BCAT1: variants seen among roughly 807,000 people sequenced by gnomAD.
The protein encoded by BCAT1 is branched chain amino acid transaminase 1, also known as branched-chain-amino-acid aminotransferase, cytosolic.
Under a neutral mutation model 52.4 loss-of-function variants are expected in BCAT1, and 48 were observed. The observed-to-expected ratio is 0.92, with a 90% CI of 0.73 to 1.16. The LOEUF is 1.16. BCAT1 is among the 50% of genes most tolerant of loss of function. The pLI, the probability that BCAT1 is intolerant of heterozygous loss-of-function variation, is 0.00. For synonymous variants in BCAT1, 167 were observed against 161.3 expected, an observed-to-expected ratio of 1.04 and a Z score of -0.27; for missense variants, 451 against 457.1, an observed-to-expected ratio of 0.99 and a Z score of 0.12.
At chr12:24,930,900 T>C (rs1943666434) in intron 1 of BCAT1, among the ~76,000 whole-genome samples, 1 of 63,114 alleles carries the variant, frequency 1.6e-5, no homozygotes, top group East Asian at 3.0e-4. Context: ...AGGGCCCTTT[T>C]TTTTTTTTTT....
chr12:24,907,719 T>A (rs938438566), intron 1 of BCAT1, among the ~76,000 whole-genome samples: 3 of 152,202 alleles, frequency 2.0e-5, no homozygotes, highest in Non-Finnish European at 4.4e-5. Context: ...TACTTTGTAA[T>A]ATTCTCCTCG....
intron 1 of BCAT1, among the ~76,000 whole-genome samples, chr12:24,934,636 C>A (rs545479135): frequency 6.6e-6 from 1 of 152,286 alleles, no homozygotes; most frequent in East Asian, 1.9e-4. Context: ...TCACTGCAAC[C>A]TCTGCTCCCA....
intron 6 of BCAT1, among the ~76,000 whole-genome samples, chr12:24,848,514 C>A (rs903809502): frequency 6.6e-6 from 1 of 152,164 alleles, no homozygotes; most frequent in Non-Finnish European, 1.5e-5. Context: ...ATTTCTGTGT[C>A]CCCAGGTTAT....
chr12:24,899,035 A>G (rs896271249), intron 2 of BCAT1, among the ~76,000 whole-genome samples: 2 of 152,246 alleles, frequency 1.3e-5, no homozygotes, highest in African/African-American at 4.8e-5. Context: ...CATGAAGAGA[A>G]CTGCAGATTT....
intron 5 of BCAT1, among the ~76,000 whole-genome samples, chr12:24,855,801 T>C (rs1375015859): frequency 6.6e-6 from 1 of 151,896 alleles, no homozygotes; most frequent in Non-Finnish European, 1.5e-5. Context: ...TTTTCTTTTT[T>C]ATTTTTTTTA....
intron 6 of BCAT1, among the ~76,000 whole-genome samples, chr12:24,847,596 CAA>C (rs1225598690): frequency 6.6e-6 from 1 of 151,904 alleles, no homozygotes; most frequent in Non-Finnish European, 1.5e-5. Flanking sequence ...TGTGCATGTG[CAA>C]GAGAGAGAGA....
intron 5 of BCAT1, among the ~76,000 whole-genome samples, chr12:24,859,446 C>A (rs1471941368): frequency 6.6e-6 from 1 of 151,840 alleles, no homozygotes; most frequent in Non-Finnish European, 1.5e-5. Context: ...TGGTGAAACC[C>A]CGTCTCTACT....
In BCAT1 at chr12:24,818,151, T is replaced by G; in HGVS notation, c.1120-102A>C. ...CGCCAAGGTTACACAAAAGGTTCGCTTCTGCTTTGAACAACATTTTCACAT... is the reference window on the plus strand; with the variant it reads ...CGCCAAGGTTACACAAAAGGTTCGCGTCTGCTTTGAACAACATTTTCACAT... On this transcript the variant is annotated intron_variant, in intron 10 of 10. Transcript: ENST00000261192. The G allele has an allele frequency of 3.8e-5, 44 of 1,172,534 alleles. No individual in the cohort carries two copies. The South Asian group carries it at 5.4e-4, about 14-fold the overall frequency. 72.6% of individuals were successfully genotyped at this position (1,172,534 alleles called of 1,614,324 possible). A position where few individuals can be genotyped will look rare whatever the true frequency, so the allele number is the denominator to read the frequency against.
Position 24,849,782 on chromosome 12 carries a change from T to C in BCAT1, c.674+4A>G, listed in dbSNP as rs1210916169. The C allele has an allele frequency of 6.2e-7, 1 of 1,603,650 alleles. No homozygotes were observed. Among genetic ancestry groups the C allele is most frequent in the East Asian group, 2.2e-5 (1 of 44,638 alleles). ...CCTTTAGACAGAGACACAGATTTAC[T>C]TACCCTCCCATCTTGCAGTCCCCAG... On this transcript the variant is annotated splice_donor_region_variant and intron_variant, in intron 6 of 10. Coordinates refer to ENST00000261192, the MANE Select transcript of BCAT1 (RefSeq NM_005504.7).
intron 10 of BCAT1, among the ~76,000 whole-genome samples, chr12:24,827,364 T>A (rs1940447814): frequency 6.6e-6 from 1 of 152,244 alleles, no homozygotes; most frequent in Admixed American, 6.5e-5. Context: ...TGTTGCTGTG[T>A]ACAAAGGTAG....
In BCAT1 at chr12:24,947,822, T is replaced by C. The variant is rs915211670; in HGVS notation, c.6+1105A>G. 4.6e-5 allele frequency among the ~76,000 whole-genome samples: 7 copies of C among 152,356 alleles called. No homozygotes were observed. The East Asian group carries it at 1.2e-3, about 25-fold the overall frequency. ...AGCTATAATCAACTAAAGTGTGTTT[T>C]TCATCTGAAATGAAACAAGCATGAG... is the stretch of plus-strand genomic sequence containing the variant. On this transcript the variant is annotated intron_variant, in intron 1 of 10. Coordinates refer to ENST00000261192, the MANE Select transcript of BCAT1 (RefSeq NM_005504.7).
intron 10 of BCAT1, 31 bp downstream of exon 10, chr12:24,829,792 G>T (rs28678340): frequency 6.1e-6 from 9 of 1,469,604 alleles, no homozygotes; most frequent in African/African-American, 5.7e-5. Flanking sequence ...AAAAGAAAAG[G>T]AAAGAAAAGA....
chr12:24,947,167 C>CCACACACACACACACA (rs57265449), intron 1 of BCAT1, among the ~76,000 whole-genome samples: 1 of 141,152 alleles, frequency 7.1e-6, no homozygotes, highest in Non-Finnish European at 1.5e-5. Flanking sequence ...CGTCTTCCCT[C>CCACACACACACACACA]CACACACACA....
intron 7 of BCAT1, among the ~76,000 whole-genome samples, chr12:24,837,082 AGGG>A: frequency 1.1e-5 from 1 of 87,764 alleles, no homozygotes; most frequent in African/African-American, 4.1e-5. Flanking sequence ...AGAGAGAGGG[AGGG>A]AGGGAGGGAG....
chr12:24,834,761 T>A, intron 8 of BCAT1: 2 of 1,151,238 alleles, frequency 1.7e-6, no homozygotes, highest in Non-Finnish European at 2.2e-6. Flanking sequence ...GTAAATGAAC[T>A]GCAGAAAATC....
chr12:24,937,003 C>T (rs1445285270), intron 1 of BCAT1, among the ~76,000 whole-genome samples: 1 of 152,002 alleles, frequency 6.6e-6, no homozygotes, highest in Non-Finnish European at 1.5e-5. Flanking sequence ...TCACCAACCC[C>T]CTATTATGGG....
intron 1 of BCAT1, chr12:24,902,195 C>CAATT: frequency 7.0e-7 from 1 of 1,433,466 alleles, no homozygotes; most frequent in Non-Finnish European, 9.1e-7. Context: ...AACAAAAAAA[C>CAATT]AATTGTCTCC....
At chr12:24,937,333 G>A (rs981938543) in intron 1 of BCAT1, among the ~76,000 whole-genome samples, 1 of 152,180 alleles carries the variant, frequency 6.6e-6, no homozygotes, top group Non-Finnish European at 1.5e-5. Flanking sequence ...AAGAAAAAGA[G>A]TTTGGGGGAT....
chr12:24,827,033 T>A (rs1205356280), intron 10 of BCAT1, among the ~76,000 whole-genome samples: 2 of 152,308 alleles, frequency 1.3e-5, no homozygotes, highest in East Asian at 3.9e-4. Context: ...TACAGGTTTT[T>A]TGAGGGAGTC....
Sources: gnomAD v4.1 joint callset for allele counts (sites outside exome capture counted in the v4.1 genomes callset) on GRCh38, gnomAD v4.1.1 for gene constraint, MANE v1.5 for transcripts, NCBI Gene and HGNC (gene_info 2026-07-23, HGNC 2026-07-21) for gene names.